The following HARS1 variants were observed in gnomAD, a reference collection of about 807,000 sequenced individuals.
HARS1 encodes the protein histidyl-tRNA synthetase 1.
A neutral mutation model predicts 63.6 loss-of-function variants in HARS1; 45 were observed. That is an observed-to-expected ratio of 0.71 (90% confidence interval 0.56 to 0.91). The LOEUF is 0.91. Among genes scored for constraint, HARS1 ranks in the 40% least tolerant of loss-of-function variants. The pLI is 0.00. For missense variants in HARS1, 508 were observed against 643.2 expected, an observed-to-expected ratio of 0.79 and a Z score of 2.27; for synonymous variants, 205 against 247.1, an observed-to-expected ratio of 0.83 and a Z score of 1.60.
At chr5:140,683,467 A>T in intron 2 of HARS1, 2 of 1,192,698 alleles carry the variant, frequency 1.7e-6, no homozygotes, top group Admixed American at 3.8e-5. Flanking sequence ...AATTCTTAGA[A>T]CTCTTTTCTT....
chr5:140,674,665 C>G lies in HARS1; in HGVS notation c.1458+14G>C. 2 of 1,614,140 alleles carry G rather than the reference C, an allele frequency of 1.2e-6. No individual in the cohort carries two copies. The highest frequency in any genetic ancestry group is 1.7e-6 in the Non-Finnish European group (2 of 1,179,948). ...CATTCTCTGTCCCTTAGCCTTCCTGCCCACCTCCCTCACCTCTTCCCTGCT... is the reference window on the plus strand; with the variant it reads ...CATTCTCTGTCCCTTAGCCTTCCTGGCCACCTCCCTCACCTCTTCCCTGCT... On this transcript the variant is annotated intron_variant, in intron 12 of 12. Coordinates refer to ENST00000504156, the MANE Select transcript of HARS1 (RefSeq NM_002109.6).
In HARS1 at chr5:140,679,487, A is replaced by G. The variant is rs1329962950; in HGVS notation, c.396+301T>C. ...TTGGAGACAAGGGAAATGTGTTGCT[A>G]GTCCATTAAGAAGAATTTTGTTCAC... On this transcript the variant is annotated intron_variant, in intron 4 of 12. Coordinates refer to ENST00000504156, the MANE Select transcript of HARS1 (RefSeq NM_002109.6). This position sits in a 1 kb window ranked among gnomAD's most constrained non-coding sequence, Gnocchi z 4.3. 2.4e-6 allele frequency: 1 copy of G among 410,066 alleles called. No homozygotes were observed. The highest frequency in any genetic ancestry group is 4.3e-6 in the Non-Finnish European group (1 of 231,326). The allele number at this position is 410,066 out of a possible 1,614,324, so 25.4% of individuals were successfully genotyped here.
At position 140,679,871 on chromosome 5, in the gene HARS1, C is replaced by G; in HGVS notation, c.313G>C (p.Gly105Arg). 1 of 1,589,356 alleles carries G rather than the reference C, an allele frequency of 6.3e-7. No homozygotes were observed. Among genetic ancestry groups the G allele is most frequent in the South Asian group, 1.1e-5 (1 of 90,466 alleles). ...AGCTTGGAGTCTTCCCCATACTTTCCCATCAGTGTTTCCTGGAGAAAACAT... is the reference window on the plus strand; with the variant it reads ...AGCTTGGAGTCTTCCCCATACTTTCGCATCAGTGTTTCCTGGAGAAAACAT... ...PVFELKETLM[G>R]KYGEDSKLIY... The change falls in exon 4 of 13, where the codon GGA becomes CGA. Residue 105 changes from glycine to arginine, a missense_variant. Around this residue, in one of 2 missense-constraint regions of HARS1, gnomAD observed 403 missense variants for 548.7 expected, o/e 0.73. Transcript: ENST00000504156. The surrounding 1 kb of genome is among the most constrained non-coding windows in gnomAD (Gnocchi z 4.3).
intron 7 of HARS1, 81 bp downstream of exon 7, chr5:140,677,574 C>T (rs2149824403): frequency 1.9e-6 from 2 of 1,042,998 alleles, no homozygotes; most frequent in Non-Finnish European, 3.0e-6. Context: ...AGGCATGCAC[C>T]TCTCTCTCTC....
At chr5:140,680,574 C>A (rs183084050) in intron 3 of HARS1, among the ~76,000 whole-genome samples, 1 of 152,020 alleles carries the variant, frequency 6.6e-6, no homozygotes, top group Non-Finnish European at 1.5e-5. Context: ...CCAGGCATAG[C>A]GGCTCACGCC....
Position 140,691,216 on chromosome 5 carries a change from A to C in HARS1, c.89T>G (p.Leu30Arg), listed in dbSNP as rs2149845950. 2.5e-6 allele frequency: 4 copies of C among 1,599,640 alleles called. No individual in the cohort carries two copies. Among genetic ancestry groups the C allele is most frequent in the Non-Finnish European group, 3.4e-6 (4 of 1,174,646 alleles). ...GLKQQKASAE[L>R]IEEEVAKLLK... The stretch of plus-strand genomic sequence containing the variant: ...TCTCCCCTGCTGCCTAAATCTCACC[A>C]GCTCGGCGCTGGCCTTCTGCTGCTT... Residue 30 changes from leucine (L) to arginine (R), a missense_variant and splice_region_variant, in exon 1 of 13, where the codon CTG becomes CGG. This residue lies in a region of HARS1 where 105 missense variants were observed against 94.5 expected (regional missense o/e 1.11). Transcript: ENST00000504156.
intron 2 of HARS1, 81 bp downstream of exon 2, chr5:140,690,774 C>T: frequency 1.2e-6 from 1 of 828,476 alleles, no homozygotes; most frequent in Non-Finnish European, 2.1e-6. Flanking sequence ...CCTCAATGAC[C>T]TGGTTTAGGG....
chr5:140,674,353 G>A (rs776281376), intron 12 of HARS1, 25 bp from the exon 13 acceptor site: 2 of 1,508,010 alleles, frequency 1.3e-6, no homozygotes, highest in Non-Finnish European at 1.8e-6. Context: ...AGAAGAAGGT[G>A]GTATAAGCAT....
intron 5 of HARS1, 54 bp from the exon 6 acceptor site, chr5:140,678,069 G>T: frequency 1.1e-6 from 1 of 927,526 alleles, no homozygotes; most frequent in South Asian, 1.3e-5. Context: ...TCTGAAGGGG[G>T]GACTCTGGGA....
Position 140,674,048 on chromosome 5 carries a change from G to A in HARS1, c.*209C>T. 1 of 638,434 alleles carries A rather than the reference G, an allele frequency of 1.6e-6. No homozygotes were observed. The highest frequency in any genetic ancestry group is 2.8e-6 in the Non-Finnish European group (1 of 352,952). The allele number at this position is 638,434 out of a possible 1,614,324, so 39.5% of individuals were successfully genotyped here. A position where few individuals can be genotyped will look rare whatever the true frequency, so the allele number is the denominator to read the frequency against. Reference sequence around the variant, plus strand: ...GCACAGACTGGACTAAGCCTCCTGGGCCTTGTATGAAAAAGGTGTTGTACC... The same window carrying A: ...GCACAGACTGGACTAAGCCTCCTGGACCTTGTATGAAAAAGGTGTTGTACC... On this transcript the variant is annotated 3_prime_UTR_variant, in exon 13 of 13. Transcript: ENST00000504156.
At chr5:140,686,861 G>A (rs917204251) in intron 2 of HARS1, among the ~76,000 whole-genome samples, 2 of 152,164 alleles carry the variant, frequency 1.3e-5, no homozygotes, top group South Asian at 4.1e-4. Context: ...CCAAAGTGCT[G>A]GGATTATAGG....
chr5:140,682,191 T>C (rs1406651444), intron 3 of HARS1, among the ~76,000 whole-genome samples: 1 of 151,878 alleles, frequency 6.6e-6, no homozygotes, highest in African/African-American at 2.4e-5. Flanking sequence ...GCAAGCAGCC[T>C]GGGCAACATA....
chr5:140,674,297 T>G lies in HARS1; in HGVS notation c.1490A>C (p.Glu497Ala), dbSNP rs1758219575. 1 of 1,612,396 alleles carries G rather than the reference T, an allele frequency of 6.2e-7. No homozygotes were observed. The highest frequency in any genetic ancestry group is 1.7e-5 in the Admixed American group (1 of 59,998). The change falls in exon 13 of 13, where the codon GAA becomes GCA. Residue 497 changes from glutamate to alanine, a missense_variant. Transcript: ENST00000504156. ...GGGCTGGCCTGTTCTCCTTTTGATT[T>G]CCTCCACAAGGTCTTCTCTTCGGAC... Reference protein sequence around the residue: ...VDVRREDLVEEIKRRTGQPLC... With the variant: ...VDVRREDLVEAIKRRTGQPLC...
Position 140,683,114 on chromosome 5 carries a change from CA to C in HARS1, c.285del (p.Val96TyrfsTer4). 2 of 1,613,766 alleles carry C rather than the reference CA, an allele frequency of 1.2e-6. No individual in the cohort carries two copies. Among genetic ancestry groups the C allele is most frequent in the Non-Finnish European group, 1.7e-6 (2 of 1,179,678 alleles). On this transcript the variant is annotated frameshift_variant, in exon 3 of 13. Coordinates refer to ENST00000504156, the MANE Select transcript of HARS1 (RefSeq NM_002109.6). LOFTEE classifies it high-confidence loss of function. ...KRHGAEVIDT[P>X]VFELKETLMG... ...CCATTCCTCACCTTTAGTTCAAATA[CA>C]GGTGTATCAATGACTTCTGCACCGT...
At chr5:140,674,921 G>T in intron 11 of HARS1, 96 bp from the exon 12 acceptor site, 1 of 1,507,304 alleles carries the variant, frequency 6.6e-7, no homozygotes, top group Non-Finnish European at 9.2e-7. Context: ...CTCTACTTTT[G>T]AGAAGTAATG....
chr5:140,674,051 T>C lies in HARS1; in HGVS notation c.*206A>G. The C allele has an allele frequency of 1.6e-6, 1 of 639,960 alleles. No individual in the cohort carries two copies. 39.6% of individuals were successfully genotyped at this position (639,960 alleles called of 1,614,324 possible). A position where few individuals can be genotyped will look rare whatever the true frequency, so the allele number is the denominator to read the frequency against. On this transcript the variant is annotated 3_prime_UTR_variant, in exon 13 of 13. Transcript: ENST00000504156. The stretch of plus-strand genomic sequence containing the variant: ...CAGACTGGACTAAGCCTCCTGGGCC[T>C]TGTATGAAAAAGGTGTTGTACCTGG...
intron 2 of HARS1, 33 bp from the exon 3 acceptor site, chr5:140,683,252 T>C (rs1562018693): frequency 1.2e-6 from 2 of 1,607,632 alleles, no homozygotes; most frequent in Middle Eastern, 3.3e-4. Flanking sequence ...GAACCAGAAA[T>C]GAGGTTTGAA....
At chr5:140,689,299 T>C (rs1222286980) in intron 2 of HARS1, among the ~76,000 whole-genome samples, 1 of 152,206 alleles carries the variant, frequency 6.6e-6, no homozygotes, top group Non-Finnish European at 1.5e-5. Context: ...CAAAAATCCA[T>C]GGATGCTCAA....
intron 2 of HARS1, among the ~76,000 whole-genome samples, chr5:140,685,944 T>A (rs1412841298): frequency 6.6e-6 from 1 of 151,440 alleles, no homozygotes; most frequent in Non-Finnish European, 1.5e-5. Flanking sequence ...TTTTTTTTTT[T>A]TTTGAGATGG....
Sources: gnomAD v4.1 joint callset for allele counts (sites outside exome capture counted in the v4.1 genomes callset) on GRCh38, gnomAD v4.1.1 for gene constraint, gnomAD v4.1.1 regional missense constraint, Gnocchi (gnomAD v3.1) non-coding constraint, MANE v1.5 for transcripts, NCBI Gene and HGNC (gene_info 2026-07-23, HGNC 2026-07-21) for gene names.